CNTNAP2: variants seen among roughly 807,000 people sequenced by gnomAD.
CNTNAP2 encodes the protein contactin-associated protein-like 2.
CNTNAP2 carries 98 observed loss-of-function variants against 155.2 expected under a neutral mutation model. The observed-to-expected ratio is 0.63, with a 90% CI of 0.54 to 0.75. The LOEUF (loss-of-function observed/expected upper bound fraction) is 0.75, where lower values mean the gene tolerates loss of function less well. CNTNAP2 is among the 30% of genes least tolerant of loss of function. The pLI, the probability that CNTNAP2 is intolerant of heterozygous loss-of-function variation, is 0.00. For missense variants in CNTNAP2, 1,727 were observed against 1,688.1 expected, an observed-to-expected ratio of 1.02 and a Z score of -0.40; for synonymous variants, 651 against 631.2, an observed-to-expected ratio of 1.03 and a Z score of -0.47.
At chr7:147,773,513 G>T (rs1797507958) in intron 13 of CNTNAP2, among the ~76,000 whole-genome samples, 1 of 152,040 alleles carries the variant, frequency 6.6e-6, no homozygotes, top group African/African-American at 2.4e-5. Flanking sequence ...AACAAACCTT[G>T]AAATTAAAGA....
chr7:147,486,699 T>C (rs1798516911), intron 11 of CNTNAP2, among the ~76,000 whole-genome samples: 1 of 152,132 alleles, frequency 6.6e-6, no homozygotes, highest in South Asian at 2.1e-4. Flanking sequence ...AAAGGTTAAA[T>C]AAAAAATAAA....
At chr7:146,290,350 A>G (rs1800409599) in intron 1 of CNTNAP2, among the ~76,000 whole-genome samples, 1 of 152,186 alleles carries the variant, frequency 6.6e-6, no homozygotes, top group African/African-American at 2.4e-5. Context: ...CCTATCAGTT[A>G]TGGAGAGCAG....
chr7:148,295,868 C>G (rs1426783593), intron 21 of CNTNAP2, among the ~76,000 whole-genome samples: 1 of 152,066 alleles, frequency 6.6e-6, no homozygotes, highest in African/African-American at 2.4e-5. Flanking sequence ...GATAGGGACC[C>G]ACCTTCAGAC....
intron 12 of CNTNAP2, among the ~76,000 whole-genome samples, chr7:147,607,074 A>G (rs181863453): frequency 2.6e-4 from 40 of 152,308 alleles, no homozygotes; most frequent in African/African-American, 9.4e-4. Flanking sequence ...TTTCTAGCTA[A>G]TTATCCTCAC....
chr7:146,366,523 CA>C (rs982850690), intron 1 of CNTNAP2, among the ~76,000 whole-genome samples: 3 of 148,922 alleles, frequency 2.0e-5, no homozygotes, highest in Non-Finnish European at 3.0e-5. Flanking sequence ...CACCAAACTT[CA>C]AAAAAAAAAT....
At chr7:146,655,403 G>T (rs2129164775) in intron 1 of CNTNAP2, among the ~76,000 whole-genome samples, 1 of 101,202 alleles carries the variant, frequency 9.9e-6, no homozygotes, top group Non-Finnish European at 1.8e-5. Context: ...GACAGAGTGA[G>T]ACTCTGTCTC....
At chr7:147,585,120 T>A (rs1800591882) in intron 12 of CNTNAP2, among the ~76,000 whole-genome samples, 1 of 152,146 alleles carries the variant, frequency 6.6e-6, no homozygotes, top group South Asian at 2.1e-4. Flanking sequence ...ATAAATTGAA[T>A]TCCCGTGGCT....
At chr7:146,221,584 A>G (rs964156726) in intron 1 of CNTNAP2, among the ~76,000 whole-genome samples, 2 of 152,202 alleles carry the variant, frequency 1.3e-5, no homozygotes, top group Admixed American at 1.3e-4. Context: ...CCCAATATTT[A>G]TAATCAATCA....
rs1316112335 is a variant in CNTNAP2 at position 148,383,722 on chromosome 7, G to C, written c.3549G>C (p.Gln1183His). The change falls in exon 22 of 24, where the codon CAG (glutamine) becomes CAC (histidine). Residue 1183 changes from glutamine (Q) to histidine (H), a missense_variant. Transcript: ENST00000361727. ...TCACTGGTTGCCTCTCCAGAGTCCA[G>C]TTCAACCAGATCGCCCCTCTCAAGG... is the stretch of plus-strand genomic sequence containing the variant. ...PGFTGCLSRV[Q>H]FNQIAPLKAA... The C allele has an allele frequency of 1.9e-6, 3 of 1,614,218 alleles. No homozygotes were observed. Among genetic ancestry groups the C allele is most frequent in the Non-Finnish European group, 2.5e-6 (3 of 1,180,050 alleles).
chr7:147,706,583 A>G (rs1473261866), intron 13 of CNTNAP2, among the ~76,000 whole-genome samples: 1 of 152,146 alleles, frequency 6.6e-6, no homozygotes, highest in Non-Finnish European at 1.5e-5. Flanking sequence ...GACTTTTGAC[A>G]GTTTGACTAT....
At chr7:146,172,402 T>C (rs545945209) in intron 1 of CNTNAP2, among the ~76,000 whole-genome samples, 1 of 152,208 alleles carries the variant, frequency 6.6e-6, no homozygotes, top group East Asian at 1.9e-4. Flanking sequence ...ATATCAATAG[T>C]ACCAAGGTTG....
intron 13 of CNTNAP2, among the ~76,000 whole-genome samples, chr7:147,665,669 T>A (rs1170209595): frequency 6.6e-6 from 1 of 152,196 alleles, no homozygotes. Context: ...TCCCTCTGTC[T>A]GTCCATGTGT....
At chr7:146,901,200 A>G (rs1406829753) in intron 3 of CNTNAP2, among the ~76,000 whole-genome samples, 1 of 152,182 alleles carries the variant, frequency 6.6e-6, no homozygotes, top group Non-Finnish European at 1.5e-5. Flanking sequence ...AAGGAATATT[A>G]TGGAGAAAAT....
rs118030762 is a variant in CNTNAP2 at position 148,144,744 on chromosome 7, A to G, written c.2555-2747A>G. Among the ~76,000 whole-genome samples, 425 of 152,308 alleles carry G rather than the reference A, an allele frequency of 2.8e-3. 1 individual carries two copies. The highest frequency in any genetic ancestry group is 5.6e-3 in the Admixed American group (86 of 15,300). On this transcript the variant is annotated intron_variant, in intron 16 of 23. Coordinates refer to ENST00000361727, the MANE Select transcript of CNTNAP2 (RefSeq NM_014141.6). ...GGAAATGAGAATTTGTTCGGTATAT[A>G]AGAAATTCCTTTTTCACAGGCAGAA...
At chr7:147,253,465 C>G (rs1381552051) in intron 8 of CNTNAP2, among the ~76,000 whole-genome samples, 1 of 151,356 alleles carries the variant, frequency 6.6e-6, no homozygotes, top group African/African-American at 2.4e-5. Flanking sequence ...TTTTATTGCC[C>G]CTGCCATTTT....
At chr7:147,484,986 G>A (rs1418034206) in intron 10 of CNTNAP2, among the ~76,000 whole-genome samples, 3 of 152,158 alleles carry the variant, frequency 2.0e-5, no homozygotes, top group Non-Finnish European at 4.4e-5. Context: ...ACAAAAATCA[G>A]GTTGTGGGGT....
At chr7:146,235,217 T>G (rs966202167) in intron 1 of CNTNAP2, among the ~76,000 whole-genome samples, 3 of 152,078 alleles carry the variant, frequency 2.0e-5, no homozygotes, top group Admixed American at 6.5e-5. Context: ...ATTTTTCCTT[T>G]CTACATCCTT....
rs575631714 is a variant in CNTNAP2, at chr7:147,129,840, A to C, written c.1083+1004A>C. Reference sequence around the variant, plus strand: ...CATGCAAATGATTATTTAATAAATAATTTTCTTAAAGTAATCATAAATTTA... The same window carrying C: ...CATGCAAATGATTATTTAATAAATACTTTTCTTAAAGTAATCATAAATTTA... On this transcript the variant is annotated intron_variant, in intron 7 of 23. Coordinates refer to ENST00000361727, the MANE Select transcript of CNTNAP2 (RefSeq NM_014141.6). Among the ~76,000 whole-genome samples, 25 of 152,268 alleles carry C rather than the reference A, an allele frequency of 1.6e-4. No homozygotes were observed. In the South Asian group the frequency reaches 4.8e-3, roughly 29 times the overall value.
chr7:147,536,702 C>T (rs1327769180), intron 11 of CNTNAP2, among the ~76,000 whole-genome samples: 2 of 152,150 alleles, frequency 1.3e-5, no homozygotes, highest in Non-Finnish European at 2.9e-5. Flanking sequence ...AGTGCTAACA[C>T]GCAGCGTTCT....
Sources: allele counts gnomAD v4.1 joint callset (sites outside exome capture counted in the v4.1 genomes callset), GRCh38; gene constraint gnomAD v4.1.1; transcripts MANE v1.5; gene names NCBI Gene and HGNC (gene_info 2026-07-23, HGNC 2026-07-21).